The following OTOP1 variants were observed in gnomAD, a reference collection of about 807,000 sequenced individuals.
OTOP1 encodes the protein proton channel OTOP1.
In OTOP1, 59 loss-of-function variants were observed where a neutral mutation model predicts 52.9. That is an observed-to-expected ratio of 1.12 (90% confidence interval 0.91 to 1.39). OTOP1 has a LOEUF of 1.39. Ranked by LOEUF, OTOP1 falls within the 40% of genes most tolerant of loss-of-function variation. The probability of loss-of-function intolerance (pLI) is 0.00; values close to 1 mark genes in which losing one functional copy is unlikely to be tolerated. For missense variants in OTOP1, 761 were observed against 800.9 expected, an observed-to-expected ratio of 0.95 and a Z score of 0.60; for synonymous variants, 317 against 337.7, an observed-to-expected ratio of 0.94 and a Z score of 0.67.
chr4:4,196,702 T>C (rs1160110453), intron 5 of OTOP1, among the ~76,000 whole-genome samples: 1 of 152,142 alleles, frequency 6.6e-6, no homozygotes, highest in Non-Finnish European at 1.5e-5. Flanking sequence ...CACTCCAGCC[T>C]GGGCAACAGG....
rs183418603 is a variant in OTOP1 at position 4,223,769 on chromosome 4, C to T, written c.403+2693G>A. On this transcript the variant is annotated intron_variant, in intron 1 of 5. Transcript: ENST00000296358. ...TACAAAAATTAGCTGGGTGTGGTGG[C>T]ATGTGCACCTGTAGTCCCAGCTACT... is the stretch of plus-strand genomic sequence containing the variant. Among the ~76,000 whole-genome samples, 100 of 152,006 alleles carry T rather than the reference C, an allele frequency of 6.6e-4. 2 individuals carry two copies. The East Asian group carries it at 0.016, about 24-fold the overall frequency.
rs116189519 is a variant in OTOP1, at chr4:4,225,297, C to T, written c.403+1165G>A. ...CAAGACTGGCAGCCCCAGCCAGGCACAGTGGTTCATGCCTGTGATCCCAGC... is the reference window on the plus strand; with the variant it reads ...CAAGACTGGCAGCCCCAGCCAGGCATAGTGGTTCATGCCTGTGATCCCAGC... On this transcript the variant is annotated intron_variant, in intron 1 of 5. Transcript: ENST00000296358. Among the ~76,000 whole-genome samples, 1,127 of 152,252 alleles carry T rather than the reference C, an allele frequency of 7.4e-3. 11 individuals carry two copies. Among genetic ancestry groups the T allele is most frequent in the African/African-American group, 0.025 (1,058 of 41,538 alleles).
Position 4,226,511 on chromosome 4 carries a change from G to T in OTOP1, c.354C>A (p.Arg118=). ...LWYVGRSSAH[R]RLFRLKDTHA... ...GCGTGTCCTTGAGGCGGAAGAGGCG[G>T]CGGTGCGCGGAGCTGCGGCCCACGT... The change falls in exon 1 of 6, where the codon CGC becomes CGA. Residue 118 remains arginine (R), a synonymous_variant. Coordinates refer to ENST00000296358, the MANE Select transcript of OTOP1 (RefSeq NM_177998.3). The T allele has an allele frequency of 6.3e-7, 1 of 1,585,200 alleles. No individual in the cohort carries two copies.
Position 4,213,601 on chromosome 4 carries a change from T to A in OTOP1, c.404-597A>T, listed in dbSNP as rs112358922. Among the ~76,000 whole-genome samples the A allele has an allele frequency of 5.4e-3, 830 of 152,344 alleles. 6 individuals are homozygous for A. The highest frequency in any genetic ancestry group is 0.019 in the African/African-American group (801 of 41,580). ...GTGGTTGAGTTTATTTTACTTCGCA[T>A]AATGTCGTCATGGCTCATCCATACT... On this transcript the variant is annotated intron_variant, in intron 1 of 5. Transcript: ENST00000296358.
chr4:4,226,739 C>T lies in OTOP1; in HGVS notation c.126G>A (p.Pro42=). 7.2e-7 allele frequency: 1 copy of T among 1,391,312 alleles called. No individual in the cohort carries two copies. The allele number at this position is 1,391,312 out of a possible 1,614,324, so 86.2% of individuals were successfully genotyped here. A position where few individuals can be genotyped will look rare whatever the true frequency, so the allele number is the denominator to read the frequency against. ...CGCGCACACCGCCCCGCCGGGGGGC[C>T]GGGGATTCCGGGGACCTCGGGGCCG... The part of the protein sequence containing the change: ...SSSAPRSPES[P]APRRGGVRAS... The change falls in exon 1 of 6, where the codon CCG becomes CCA. Residue 42 remains proline (P), a synonymous_variant. Coordinates refer to ENST00000296358, the MANE Select transcript of OTOP1 (RefSeq NM_177998.3).
In OTOP1 at chr4:4,197,336, TG is replaced by T; in HGVS notation, c.1497del (p.Asn500MetfsTer6). On this transcript the variant is annotated frameshift_variant, in exon 5 of 6. Transcript: ENST00000296358. LOFTEE classifies it high-confidence loss of function. ...APQGKDMPPA[A>X]NGNVCMRESH... is the part of the protein sequence containing the mutation. ...CTTTCTCTCATGCACACATTTCCAT[TG>T]GCTGCTGGTGGCATGTCCTTGCCCT... 6.2e-7 allele frequency: 1 copy of T among 1,614,102 alleles called. No individual in the cohort carries two copies. Among genetic ancestry groups the T allele is most frequent in the Non-Finnish European group, 8.5e-7 (1 of 1,180,026 alleles).
rs752786216 is a variant in OTOP1, at chr4:4,197,787, CATG to C, written c.1044_1046del (p.Ile348del). ...GCAGGGTGATGGCATACAGGTAGAA[CATG>C]ATGAGTGCCGACTCGCTCTTGGTCT... is the stretch of plus-strand genomic sequence containing the variant. On this transcript the variant is annotated inframe_deletion, in exon 5 of 6. Coordinates refer to ENST00000296358, the MANE Select transcript of OTOP1 (RefSeq NM_177998.3). 2.5e-6 allele frequency: 4 copies of C among 1,614,042 alleles called. No homozygotes were observed. The highest frequency in any genetic ancestry group is 1.7e-5 in the Admixed American group (1 of 60,014).
intron 1 of OTOP1, among the ~76,000 whole-genome samples, chr4:4,225,585 G>C (rs950181498): frequency 1.4e-5 from 1 of 72,708 alleles, no homozygotes; most frequent in African/African-American, 5.5e-5. Flanking sequence ...AAAAAAAAAT[G>C]TGGCAGCCCC....
chr4:4,216,397 G>A (rs1717153059), intron 1 of OTOP1, among the ~76,000 whole-genome samples: 2 of 152,286 alleles, frequency 1.3e-5, no homozygotes, highest in Middle Eastern at 6.8e-3. Flanking sequence ...GGCTAGCATT[G>A]ACCGCCATTT....
chr4:4,208,486 C>G (rs1156503364), intron 2 of OTOP1, among the ~76,000 whole-genome samples: 1 of 152,112 alleles, frequency 6.6e-6, no homozygotes, highest in Non-Finnish European at 1.5e-5. Flanking sequence ...TCATGGATGA[C>G]CCTTGAGAAC....
intron 1 of OTOP1, among the ~76,000 whole-genome samples, chr4:4,220,295 G>C (rs1490896112): frequency 1.3e-5 from 2 of 151,498 alleles, no homozygotes; most frequent in African/African-American, 4.9e-5. Context: ...GATAGATCAA[G>C]TAGACAAAAT....
intron 4 of OTOP1, 151 bp from the exon 5 acceptor site, chr4:4,198,254 A>G (rs7661908): frequency 0.081 from 53,127 of 657,232 alleles, 4,088 homozygotes; most frequent in African/African-American, 0.29. Flanking sequence ...TATCACGTTT[A>G]ATATCATGGC....
At chr4:4,217,906 G>A (rs1717185388) in intron 1 of OTOP1, among the ~76,000 whole-genome samples, 1 of 152,166 alleles carries the variant, frequency 6.6e-6, no homozygotes, top group Non-Finnish European at 1.5e-5. Context: ...GTGGAAAGCT[G>A]GAGGAGGGTG....
In OTOP1 at chr4:4,197,395, T is replaced by C. The variant is rs560187635; in HGVS notation, c.1439A>G (p.Lys480Arg). 8.7e-6 allele frequency: 14 copies of C among 1,614,058 alleles called. No individual in the cohort carries two copies. In the African/African-American group the frequency reaches 1.1e-4, roughly 12 times the overall value. Reference sequence around the variant, plus strand: ...CACATCTCTGGCCACACCTCCACTCTTGGGGCAGGAAGAAGCAAGGGGCAT... The same window carrying C: ...CACATCTCTGGCCACACCTCCACTCCTGGGGCAGGAAGAAGCAAGGGGCAT... ...NTMPLASSCP[K>R]SGGVARDVAP... Residue 480 changes from lysine to arginine, a missense_variant, in exon 5 of 6, where the codon AAG becomes AGG. This residue lies in a region of OTOP1 where 632 missense variants were observed against 619.5 expected (regional missense o/e 1.02). Coordinates refer to ENST00000296358, the MANE Select transcript of OTOP1 (RefSeq NM_177998.3).
At chr4:4,211,204 C>A (rs13134623) in intron 2 of OTOP1, among the ~76,000 whole-genome samples, 11,555 of 152,238 alleles carry the variant, frequency 0.076, 602 homozygotes, top group Middle Eastern at 0.14. Flanking sequence ...GCTGGGGGTA[C>A]AAGCTGAAGG....
At chr4:4,189,187 C>A (rs11733527) in intron 5 of OTOP1, among the ~76,000 whole-genome samples, 1 of 152,134 alleles carries the variant, frequency 6.6e-6, no homozygotes, top group Non-Finnish European at 1.5e-5. Context: ...CCTCAACCAC[C>A]CTTCCCTGCA....
chr4:4,212,679 G>A (rs1385376989), intron 2 of OTOP1, among the ~76,000 whole-genome samples, 189 bp downstream of exon 2: 6 of 152,188 alleles, frequency 3.9e-5, no homozygotes, highest in Admixed American at 3.9e-4. Context: ...TGGCCATGGG[G>A]ACACAGAGTT....
At chr4:4,198,403 TACAC>T (rs539266855) in intron 4 of OTOP1, among the ~76,000 whole-genome samples, 2 of 151,668 alleles carry the variant, frequency 1.3e-5, no homozygotes, top group South Asian at 2.1e-4. Context: ...GATAGATGGA[TACAC>T]ACACACACAG....
chr4:4,219,898 T>G (rs1298853219), intron 1 of OTOP1, among the ~76,000 whole-genome samples: 1 of 145,986 alleles, frequency 6.8e-6, no homozygotes, highest in Admixed American at 6.9e-5. Flanking sequence ...CATATATGTA[T>G]ACACATATAT....
Sources: gnomAD v4.1 joint callset for allele counts (sites outside exome capture counted in the v4.1 genomes callset) on GRCh38, gnomAD v4.1.1 for gene constraint, gnomAD v4.1.1 regional missense constraint, MANE v1.5 for transcripts, NCBI Gene and HGNC (gene_info 2026-07-23, HGNC 2026-07-21) for gene names.